PDZD8: variants seen among roughly 807,000 people sequenced by gnomAD.
The protein encoded by PDZD8 is PDZ domain containing 8, also known as PDZ domain-containing protein 8.
A neutral mutation model predicts 85.8 loss-of-function variants in PDZD8; 14 were observed. The observed-to-expected ratio is 0.16, with a 90% CI of 0.11 to 0.26. PDZD8 has a LOEUF of 0.26. PDZD8 is among the 10% of genes least tolerant of loss of function. The pLI, the probability that PDZD8 is intolerant of heterozygous loss-of-function variation, is 1.00. For synonymous variants in PDZD8, 592 were observed against 568.6 expected, an observed-to-expected ratio of 1.04 and a Z score of -0.59; for missense variants, 1,197 against 1,424.3, an observed-to-expected ratio of 0.84 and a Z score of 2.57.
At chr10:117,364,972 C>T (rs1206842144) in intron 1 of PDZD8, among the ~76,000 whole-genome samples, 1 of 151,776 alleles carries the variant, frequency 6.6e-6, no homozygotes, top group East Asian at 1.9e-4. Flanking sequence ...GAGGCACCTC[C>T]TCAATATATA....
chr10:117,310,534 C>G (rs1165433513), intron 3 of PDZD8, among the ~76,000 whole-genome samples: 1 of 152,088 alleles, frequency 6.6e-6, no homozygotes, highest in East Asian at 1.9e-4. Context: ...CTTAGAAAAC[C>G]TAAGACAGAG....
At chr10:117,300,928 C>T (rs1843836959) in intron 3 of PDZD8, among the ~76,000 whole-genome samples, 1 of 152,162 alleles carries the variant, frequency 6.6e-6, no homozygotes, top group Admixed American at 6.6e-5. Flanking sequence ...TGCTTACGAG[C>T]CACTCAGTTT....
intron 3 of PDZD8, among the ~76,000 whole-genome samples, chr10:117,309,665 T>C (rs1363142971): frequency 1.3e-5 from 2 of 152,118 alleles, no homozygotes; most frequent in Admixed American, 1.3e-4. Flanking sequence ...TCACCTCTAC[T>C]TTTTCAGGTC....
At chr10:117,295,524 TTGGGAGC>T in intron 3 of PDZD8, among the ~76,000 whole-genome samples, 1 of 152,112 alleles carries the variant, frequency 6.6e-6, no homozygotes, top group Non-Finnish European at 1.5e-5. Context: ...TCCCTCCCAG[TTGGGAGC>T]TAGGTTGCTT....
rs2803809 is a variant in PDZD8, at chr10:117,281,107, G to A, written c.*2161C>T. ...CACGTGGCCGGGCGTGGTGGCTCAC[G>A]CCTGTAATCCCAGCACTTTGGGAGG... is the stretch of plus-strand genomic sequence containing the variant. On this transcript the variant is annotated 3_prime_UTR_variant, in exon 5 of 5. Transcript: ENST00000334464. 0.77 allele frequency: 116,867 copies of A among 152,036 alleles called. 45,576 individuals carry two copies. Among genetic ancestry groups the A allele is most frequent in the Non-Finnish European group, 0.85 (57,758 of 67,998 alleles). 9.4% of individuals were successfully genotyped at this position (152,036 alleles called of 1,614,324 possible).
At chr10:117,341,682 G>A (rs181748134) in intron 1 of PDZD8, among the ~76,000 whole-genome samples, 10 of 152,262 alleles carry the variant, frequency 6.6e-5, no homozygotes, top group Admixed American at 5.2e-4. Flanking sequence ...ATTGTTCAGA[G>A]AATAATGACA....
At chr10:117,294,839 G>T (rs1047317135) in intron 3 of PDZD8, among the ~76,000 whole-genome samples, 3 of 152,142 alleles carry the variant, frequency 2.0e-5, no homozygotes, top group Non-Finnish European at 4.4e-5. Flanking sequence ...GTAGAAGAGT[G>T]GTTACCAGAG....
At chr10:117,314,683 GAACAAATGA>G (rs144782129) in intron 3 of PDZD8, among the ~76,000 whole-genome samples, 2,097 of 152,186 alleles carry the variant, frequency 0.014, 50 homozygotes, top group African/African-American at 0.047. Context: ...TACTTATACT[GAACAAATGA>G]TTGTTCTCTC....
Position 117,284,588 on chromosome 10 carries a change from C to A in PDZD8, c.2145G>T (p.Leu715Phe). The stretch of plus-strand genomic sequence containing the variant: ...CCAACTTGAAAGGATCCCTGCACCA[C>A]AATGCAATGTTTAAGTACCTGTGAC... The part of the protein sequence containing the change: ...EACHRYLNIA[L>F]WCRDPFKLGG... Residue 715 changes from leucine to phenylalanine, a missense_variant, in exon 5 of 5, where the codon TTG becomes TTT. By Grantham distance (22) the Leu-to-Phe change is conservative. Coordinates refer to ENST00000334464, the MANE Select transcript of PDZD8 (RefSeq NM_173791.5). 1 of 1,614,172 alleles carries A rather than the reference C, an allele frequency of 6.2e-7. No homozygotes were observed. The highest frequency in any genetic ancestry group is 8.5e-7 in the Non-Finnish European group (1 of 1,180,030).
At chr10:117,366,175 G>C (rs990778363) in intron 1 of PDZD8, among the ~76,000 whole-genome samples, 1 of 152,124 alleles carries the variant, frequency 6.6e-6, no homozygotes, top group Non-Finnish European at 1.5e-5. Flanking sequence ...AAATAATGAA[G>C]TGGTTAATAT....
chr10:117,322,684 AT>A (rs1844246313), intron 2 of PDZD8, among the ~76,000 whole-genome samples: 1 of 151,816 alleles, frequency 6.6e-6, no homozygotes, highest in Admixed American at 6.6e-5. Flanking sequence ...TGGGAAAATC[AT>A]TGGCTAGGTT....
intron 1 of PDZD8, among the ~76,000 whole-genome samples, chr10:117,367,747 A>G (rs1354987241): frequency 1.3e-5 from 2 of 152,140 alleles, no homozygotes; most frequent in Non-Finnish European, 2.9e-5. Context: ...CAGCCTGCCC[A>G]ACATGGCAAA....
At chr10:117,301,282 C>T (rs994277013) in intron 3 of PDZD8, among the ~76,000 whole-genome samples, 1 of 152,106 alleles carries the variant, frequency 6.6e-6, no homozygotes, top group African/African-American at 2.4e-5. Flanking sequence ...CTGCGCCTGG[C>T]CAAAAAATCA....
intron 2 of PDZD8, among the ~76,000 whole-genome samples, chr10:117,332,971 T>G (rs967486979): frequency 1.3e-5 from 2 of 150,596 alleles, no homozygotes; most frequent in Non-Finnish European, 3.0e-5. Flanking sequence ...ATACAAAAAT[T>G]AGATGGGTGT....
At chr10:117,303,766 G>C (rs550448525) in intron 3 of PDZD8, among the ~76,000 whole-genome samples, 4 of 152,376 alleles carry the variant, frequency 2.6e-5, no homozygotes, top group Admixed American at 2.6e-4. Flanking sequence ...CGTATAGCTT[G>C]GGCTGTGGCT....
intron 3 of PDZD8, among the ~76,000 whole-genome samples, chr10:117,297,064 T>C (rs377436507): frequency 6.6e-6 from 1 of 152,076 alleles, no homozygotes; most frequent in African/African-American, 2.4e-5. Context: ...CCCATGAATA[T>C]ATAACTCTTA....
At chr10:117,365,197 G>A (rs1845067254) in intron 1 of PDZD8, among the ~76,000 whole-genome samples, 1 of 152,054 alleles carries the variant, frequency 6.6e-6, no homozygotes, top group Admixed American at 6.6e-5. Context: ...GATGTTTATG[G>A]TGCCATTATT....
rs1845266893 is a variant in PDZD8 at position 117,374,895 on chromosome 10, G to A, written c.333C>T (p.Asp111=). ...TGACCCAGCGGCGGGTCAGCGCGGT[G>A]TCCCGCAACTCCCGGAACAGGAATA... ...TILFLFRELR[D]TALTRRWVTK... The change falls in exon 1 of 5, where the codon GAC becomes GAT. Residue 111 remains aspartate, a synonymous_variant. Coordinates refer to ENST00000334464, the MANE Select transcript of PDZD8 (RefSeq NM_173791.5). This position sits in a 1 kb window ranked among gnomAD's most constrained non-coding sequence, Gnocchi z 7.8. 1 of 1,613,326 alleles carries A rather than the reference G, an allele frequency of 6.2e-7. No homozygotes were observed. The highest frequency in any genetic ancestry group is 8.5e-7 in the Non-Finnish European group (1 of 1,179,896).
Position 117,284,942 on chromosome 10 carries a change from C to T in PDZD8, c.1791G>A (p.Ala597=), listed in dbSNP as rs773462783. The change falls in exon 5 of 5, where the codon GCG becomes GCA. Residue 597 remains alanine, a synonymous_variant. Transcript: ENST00000334464. ...CATCGGCGGAAGGCAAAGGAACTTTCGCTTGTGGTCGTGGTGGCACAGGTG... is the reference window on the plus strand; with the variant it reads ...CATCGGCGGAAGGCAAAGGAACTTTTGCTTGTGGTCGTGGTGGCACAGGTG... ...FKPPVPPRPQ[A]KVPLPSADAP... The T allele has an allele frequency of 1.1e-5, 17 of 1,613,986 alleles. No individual in the cohort carries two copies. The highest frequency in any genetic ancestry group is 2.7e-5 in the African/African-American group (2 of 74,870).
Sources: allele counts gnomAD v4.1 joint callset (sites outside exome capture counted in the v4.1 genomes callset), GRCh38; gene constraint gnomAD v4.1.1; non-coding constraint Gnocchi (gnomAD v3.1); transcripts MANE v1.5; gene names NCBI Gene and HGNC (gene_info 2026-07-23, HGNC 2026-07-21).